CYRIB: variants seen among roughly 807,000 people sequenced by gnomAD.
CYRIB encodes the protein CYFIP related Rac1 interactor B.
In CYRIB, 8 loss-of-function variants were observed where a neutral mutation model predicts 44.2. The observed-to-expected ratio is 0.18, with a 90% CI of 0.11 to 0.33. The LOEUF (loss-of-function observed/expected upper bound fraction) is 0.33, where lower values mean the gene tolerates loss of function less well. CYRIB is among the 10% of genes least tolerant of loss of function. The pLI is 1.00. For synonymous variants in CYRIB, 131 were observed against 127.2 expected, an observed-to-expected ratio of 1.03 and a Z score of -0.20; for missense variants, 185 against 382.8, an observed-to-expected ratio of 0.48 and a Z score of 4.31.
chr8:129,935,418 T>C (rs1260028576), intron 1 of CYRIB, among the ~76,000 whole-genome samples: 3 of 152,144 alleles, frequency 2.0e-5, no homozygotes. Flanking sequence ...CGTTAGATTC[T>C]CACATGGAGC....
chr8:129,843,814 T>G (rs968037035), intron 11 of CYRIB: 1 of 152,236 alleles, frequency 6.6e-6, no homozygotes, highest in African/African-American at 2.4e-5. Flanking sequence ...GAATGCTTAT[T>G]AAGTACCTGA....
At chr8:129,855,330 G>T (rs2045642737) in intron 6 of CYRIB, among the ~76,000 whole-genome samples, 3 of 151,240 alleles carry the variant, frequency 2.0e-5, no homozygotes, top group Admixed American at 2.0e-4. Flanking sequence ...GGGAGAGGTT[G>T]CAGTGAGCTG....
chr8:129,965,485 G>T (rs764446172), intron 2 of CYRIB, among the ~76,000 whole-genome samples: 1 of 151,980 alleles, frequency 6.6e-6, no homozygotes, highest in Non-Finnish European at 1.5e-5. Context: ...AAACAATGGC[G>T]GAGCAATCCA....
At chr8:129,847,088 A>T in intron 10 of CYRIB, 1 of 449,384 alleles carries the variant, frequency 2.2e-6, no homozygotes, top group Non-Finnish European at 3.9e-6. Flanking sequence ...AAAATCAGTC[A>T]AACTAATATA....
intron 1 of CYRIB, among the ~76,000 whole-genome samples, chr8:130,010,874 G>A (rs764960701): frequency 5.9e-5 from 9 of 152,024 alleles, no homozygotes; most frequent in South Asian, 2.1e-4. Context: ...CAGAGGCATC[G>A]CATCATGTGC....
intron 1 of CYRIB, among the ~76,000 whole-genome samples, chr8:130,005,832 G>T (rs1346122734): frequency 6.8e-6 from 1 of 147,624 alleles, no homozygotes. Context: ...AAAAAAAAAT[G>T]TAAAGGCTGG....
chr8:129,883,234 C>T (rs2061463792), intron 2 of CYRIB, among the ~76,000 whole-genome samples: 1 of 150,396 alleles, frequency 6.6e-6, no homozygotes, highest in Admixed American at 6.6e-5. Context: ...GAGTCTGTCT[C>T]ACATTGTAGG....
chr8:129,925,635 A>T (rs936874613), intron 1 of CYRIB, among the ~76,000 whole-genome samples: 3 of 150,404 alleles, frequency 2.0e-5, no homozygotes, highest in Admixed American at 2.0e-4. Context: ...AGTCCAAAAA[A>T]CTTTGGGAGC....
intron 3 of CYRIB, among the ~76,000 whole-genome samples, chr8:129,873,035 C>G (rs1342101911): frequency 6.6e-6 from 1 of 151,952 alleles, no homozygotes; most frequent in African/African-American, 2.4e-5. Context: ...AAATATACCA[C>G]ATTTTTTTTA....
chr8:129,975,901 T>C (rs896540435), intron 1 of CYRIB, among the ~76,000 whole-genome samples: 1 of 152,056 alleles, frequency 6.6e-6, no homozygotes, highest in African/African-American at 2.4e-5. Flanking sequence ...ACCATATTGC[T>C]CCAAAGCTCC....
rs561517550 is a variant in CYRIB at position 130,007,191 on chromosome 8, T to C, written c.-296+9179A>G. Among the ~76,000 whole-genome samples the C allele has an allele frequency of 5.3e-5, 8 of 152,262 alleles. No homozygotes were observed. The East Asian group carries it at 1.4e-3, about 26-fold the overall frequency. ...TTCTTGGCCCTGAGGGCTGCTGAGA[T>C]GCCCGCCGTTATGAGATGCCCACTG... On this transcript the variant is annotated intron_variant, in intron 1 of 14. Transcript: ENST00000401979.
At chr8:129,978,383 T>C (rs1591614914) in intron 1 of CYRIB, among the ~76,000 whole-genome samples, 1 of 152,216 alleles carries the variant, frequency 6.6e-6, no homozygotes, top group East Asian at 1.9e-4. Context: ...TGATTCCAAT[T>C]TGTCTTGGTT....
At chr8:129,877,643 CAT>C (rs2059514238) in intron 3 of CYRIB, among the ~76,000 whole-genome samples, 1 of 50,398 alleles carries the variant, frequency 2.0e-5, no homozygotes, top group Non-Finnish European at 3.5e-5. Flanking sequence ...GGTAAGACCT[CAT>C]ATCAAAAAAA....
intron 1 of CYRIB, among the ~76,000 whole-genome samples, chr8:130,011,126 C>G (rs1317617659): frequency 6.6e-6 from 1 of 152,118 alleles, no homozygotes; most frequent in Non-Finnish European, 1.5e-5. Flanking sequence ...GCCACTGACT[C>G]TCACAAGCAG....
At chr8:129,881,035 T>G (rs1193747065) in intron 2 of CYRIB, among the ~76,000 whole-genome samples, 3 of 152,230 alleles carry the variant, frequency 2.0e-5, no homozygotes, top group Admixed American at 2.0e-4. Context: ...ACTCTTAGAC[T>G]GAATAATCAA....
rs913258061 is a variant in CYRIB at position 129,931,646 on chromosome 8, A to G, written c.-50+7962T>C. 7.2e-5 allele frequency among the ~76,000 whole-genome samples: 11 copies of G among 152,026 alleles called. No individual in the cohort carries two copies. The East Asian group carries it at 2.1e-3, about 29-fold the overall frequency. On this transcript the variant is annotated intron_variant, in intron 1 of 11. Coordinates refer to ENST00000519824, the Ensembl canonical transcript of CYRIB. The stretch of plus-strand genomic sequence containing the variant: ...TCACATGCCAGGAACTTTTTTTTTG[A>G]GACAGAGTCTCCCTCTGTCACCCAG...
At chr8:129,941,272 GAT>G (rs2093676041), upstream of CYRIB, among the ~76,000 whole-genome samples, 1 of 125,064 alleles carries the variant, frequency 8.0e-6, no homozygotes, top group East Asian at 2.4e-4. Flanking sequence ...AACTGAAGGA[GAT>G]TTTTTTTTTT....
intron 11 of CYRIB, among the ~76,000 whole-genome samples, chr8:129,842,758 T>C (rs1366560663): frequency 6.6e-6 from 1 of 152,252 alleles, no homozygotes; most frequent in African/African-American, 2.4e-5. Context: ...GTTACTTTCT[T>C]GTTATGGTGG....
upstream of CYRIB, among the ~76,000 whole-genome samples, chr8:129,944,738 C>T (rs1255624971): frequency 6.6e-6 from 1 of 151,826 alleles, no homozygotes; most frequent in African/African-American, 2.4e-5. Flanking sequence ...AGCCAATATC[C>T]CACCATTGCA....
Sources: gnomAD v4.1 joint callset for allele counts (sites outside exome capture counted in the v4.1 genomes callset) on GRCh38, gnomAD v4.1.1 for gene constraint, MANE v1.5 for transcripts, NCBI Gene and HGNC (gene_info 2026-07-23, HGNC 2026-07-21) for gene names.